SERPINA1: variants seen among roughly 807,000 people sequenced by gnomAD.
SERPINA1 encodes the protein serpin family A member 1, also known as alpha-1-antitrypsin.
Under a neutral mutation model 25.4 loss-of-function variants are expected in SERPINA1, and 21 were observed. The ratio of observed to expected loss-of-function variants is 0.83; its 90% CI spans 0.59 to 1.19. The LOEUF (loss-of-function observed/expected upper bound fraction) is 1.19, where lower values mean the gene tolerates loss of function less well. Ranked by LOEUF, SERPINA1 falls within the 50% of genes most tolerant of loss-of-function variation. The pLI is 0.00. For missense variants in SERPINA1, 546 were observed against 509.0 expected (o/e 1.07, Z -0.70); for synonymous variants, 218 against 211.1 (o/e 1.03, Z -0.29).
At chr14:94,388,834 C>T (rs1897478072), upstream of SERPINA1, 1 of 152,382 alleles carries the variant, frequency 6.6e-6, no homozygotes, top group Non-Finnish European at 1.5e-5. Context: ...TCAGAAACCA[C>T]AGCGTCCTGT....
At chr14:94,385,976 G>T (rs1897263015) in intron 1 of SERPINA1, among the ~76,000 whole-genome samples, 1 of 152,220 alleles carries the variant, frequency 6.6e-6, no homozygotes, top group African/African-American at 2.4e-5. Context: ...AACTGAGACA[G>T]CTGTGTCCTC....
chr14:94,382,576 G>A lies in SERPINA1; in HGVS notation c.646+16C>T. On this transcript the variant is annotated intron_variant, in intron 2 of 4. Transcript: ENST00000393087. Reference sequence around the variant, plus strand: ...TGTTTCTATGGGAACAGCTCAGGCTGGTTGAGCAACCTTACCTTTAAAGAA... The same window carrying A: ...TGTTTCTATGGGAACAGCTCAGGCTAGTTGAGCAACCTTACCTTTAAAGAA... The A allele has an allele frequency of 6.2e-7, 1 of 1,614,194 alleles. No homozygotes were observed. Among genetic ancestry groups the A allele is most frequent in the South Asian group, 1.1e-5 (1 of 91,078 alleles).
At chr14:94,382,539 A>C in intron 2 of SERPINA1, 53 bp downstream of exon 2, 1 of 1,610,384 alleles carries the variant, frequency 6.2e-7, no homozygotes, top group South Asian at 1.1e-5. Context: ...ATGGTTTGAG[A>C]ATATTTTTGC....
Position 94,378,057 on chromosome 14 carries a change from A to G in SERPINA1, c.*392T>C. The G allele has an allele frequency of 4.5e-6, 1 of 221,406 alleles. No homozygotes were observed. The highest frequency in any genetic ancestry group is 9.0e-6 in the Non-Finnish European group (1 of 111,250). 13.7% of individuals were successfully genotyped at this position (221,406 alleles called of 1,614,324 possible). ...GGGGGAGTGGGGGATGAGCAGGGGG[A>G]CATGAAGATGCTTGGTGGAGCCTGG... On this transcript the variant is annotated 3_prime_UTR_variant, in exon 5 of 5. Coordinates refer to ENST00000393087, the MANE Select transcript of SERPINA1 (RefSeq NM_000295.5).
rs34832705 is a variant in SERPINA1, at chr14:94,382,512, G to GGA, written c.646+78_646+79dup. On this transcript the variant is annotated intron_variant, in intron 2 of 4. Coordinates refer to ENST00000393087, the MANE Select transcript of SERPINA1 (RefSeq NM_000295.5). Reference sequence around the variant, plus strand: ...GCTATGGCCCATAATGCATTGCCAAGGAGAGTTCAAGAACTGATGGTTTGA... The same window carrying GGA: ...GCTATGGCCCATAATGCATTGCCAAGGAGAGAGTTCAAGAACTGATGGTTTGA... 9,891 of 1,567,298 alleles carry GGA rather than the reference G, an allele frequency of 6.3e-3. 38 individuals are homozygous for GGA. The highest frequency in any genetic ancestry group is 8.1e-3 in the Non-Finnish European group (9,185 of 1,137,366).
At chr14:94,379,738 C>T (rs1204028314) in intron 3 of SERPINA1, 127 bp from the exon 4 acceptor site, 2 of 1,287,886 alleles carry the variant, frequency 1.6e-6, no homozygotes, top group Non-Finnish European at 2.2e-6. Context: ...TCCACCCACA[C>T]TAAGATGGGA....
rs1003633145 is a variant in SERPINA1, at chr14:94,382,748, A to G, written c.490T>C (p.Ser164Pro). ...CCGAAGTTGACAGTGAAGGCTTCTG[A>G]GTGGTACAACTTTTTAACATCCTCC... The part of the protein sequence containing the change: ...FLEDVKKLYH[S>P]EAFTVNFGDT... Residue 164 changes from serine to proline, a missense_variant, in exon 2 of 5, where the codon TCA (serine) becomes CCA (proline). Coordinates refer to ENST00000393087, the MANE Select transcript of SERPINA1 (RefSeq NM_000295.5). 1 of 1,614,102 alleles carries G rather than the reference A, an allele frequency of 6.2e-7. No homozygotes were observed. The highest frequency in any genetic ancestry group is 8.5e-7 in the Non-Finnish European group (1 of 1,180,052).
upstream of SERPINA1, chr14:94,390,358 C>G (rs1897617587): frequency 6.5e-6 from 1 of 152,752 alleles, no homozygotes; most frequent in Non-Finnish European, 1.5e-5. Flanking sequence ...CTTCCCCTCT[C>G]TGGGCCTTTG....
chr14:94,381,623 C>T (rs1429656450), intron 2 of SERPINA1, among the ~76,000 whole-genome samples: 2 of 152,208 alleles, frequency 1.3e-5, no homozygotes, highest in African/African-American at 2.4e-5. Context: ...AATGCAGATG[C>T]CTGAGCAGCC....
At chr14:94,384,418 T>G (rs1354096000) in intron 1 of SERPINA1, among the ~76,000 whole-genome samples, 1 of 152,272 alleles carries the variant, frequency 6.6e-6, no homozygotes, top group East Asian at 1.9e-4. Flanking sequence ...GATAGGCCAG[T>G]GAGGAATACA....
chr14:94,378,233 T>C lies in SERPINA1; in HGVS notation c.*216A>G. 1.7e-6 allele frequency: 1 copy of C among 602,372 alleles called. No homozygotes were observed. The highest frequency in any genetic ancestry group is 2.9e-6 in the Non-Finnish European group (1 of 339,332). 37.3% of individuals were successfully genotyped at this position (602,372 alleles called of 1,614,324 possible). ...CCTGGATTCAAGCCCAGCATGTGCCTACCCAGCCAGATGCTCCATGAACAC... is the reference window on the plus strand; with the variant it reads ...CCTGGATTCAAGCCCAGCATGTGCCCACCCAGCCAGATGCTCCATGAACAC... On this transcript the variant is annotated 3_prime_UTR_variant, in exon 5 of 5. Coordinates refer to ENST00000393087, the MANE Select transcript of SERPINA1 (RefSeq NM_000295.5).
intron 2 of SERPINA1, 111 bp from the exon 3 acceptor site, chr14:94,381,252 C>T (rs943109639): frequency 4.3e-5 from 45 of 1,045,764 alleles, no homozygotes; most frequent in East Asian, 1.5e-4. Flanking sequence ...GCCCCCTTGA[C>T]GACACACATC....
rs769400992 is a variant in SERPINA1 at position 94,383,041 on chromosome 14, G to A, written c.197C>T (p.Ala66Val). The A allele has an allele frequency of 6.2e-6, 10 of 1,612,978 alleles. No homozygotes were observed. In the African/African-American group the frequency reaches 6.7e-5, roughly 11 times the overall value. ...GATATTGGTGCTGTTGGACTGGTGT[G>A]CCAGCTGGCGGTATAGGCTGAAGGC... The part of the protein sequence containing the change: ...EFAFSLYRQL[A>V]HQSNSTNIFF... The change falls in exon 2 of 5, where the codon GCA becomes GTA. Residue 66 changes from alanine to valine, a missense_variant. Ala to Val is a moderately conservative substitution (Grantham distance 64). Coordinates refer to ENST00000393087, the MANE Select transcript of SERPINA1 (RefSeq NM_000295.5).
rs948061190 is a variant in SERPINA1, at chr14:94,378,387, C to G, written c.*62G>C. The G allele has an allele frequency of 1.6e-5, 23 of 1,436,154 alleles. No homozygotes were observed. In the African/African-American group the frequency reaches 2.9e-4, roughly 18 times the overall value. 89.0% of individuals were successfully genotyped at this position (1,436,154 alleles called of 1,614,324 possible). A position where few individuals can be genotyped will look rare whatever the true frequency, so the allele number is the denominator to read the frequency against. On this transcript the variant is annotated 3_prime_UTR_variant, in exon 5 of 5. Coordinates refer to ENST00000393087, the MANE Select transcript of SERPINA1 (RefSeq NM_000295.5). ...GCAGGCAGGGACCAGCTCAACCCTTCTTTAATGTCATCCAGGGAGGGGGCC... is the reference window on the plus strand; with the variant it reads ...GCAGGCAGGGACCAGCTCAACCCTTGTTTAATGTCATCCAGGGAGGGGGCC...
rs1896840473 is a variant in SERPINA1 at position 94,380,738 on chromosome 14, A to G, written c.917+133T>C. ...TGGCCTCATTCTGGAAGCCAAGTTTATACAGAGTAGCAGTGACCCAGGGAT... is the reference window on the plus strand; with the variant it reads ...TGGCCTCATTCTGGAAGCCAAGTTTGTACAGAGTAGCAGTGACCCAGGGAT... On this transcript the variant is annotated intron_variant, in intron 3 of 4. Coordinates refer to ENST00000393087, the MANE Select transcript of SERPINA1 (RefSeq NM_000295.5). The G allele has an allele frequency of 2.5e-6, 3 of 1,184,974 alleles. No homozygotes were observed. In the African/African-American group the frequency reaches 4.5e-5, roughly 18 times the overall value. 73.4% of individuals were successfully genotyped at this position (1,184,974 alleles called of 1,614,324 possible).
Position 94,383,165 on chromosome 14 carries a change from C to T in SERPINA1, c.73G>A (p.Glu25Lys), listed in dbSNP as rs766542592. ...TGGGCAGCATCTCCCTGGGGATCCT[C>T]AGCCAGGGAGACAGGGACCAGGCAG... The part of the protein sequence containing the change: ...LCCLVPVSLA[E>K]DPQGDAAQKT... Residue 25 changes from glutamate to lysine, a missense_variant, in exon 2 of 5, where the codon GAG (glutamate) becomes AAG (lysine). By Grantham distance (56) the Glu-to-Lys change is moderately conservative. Coordinates refer to ENST00000393087, the MANE Select transcript of SERPINA1 (RefSeq NM_000295.5). The T allele has an allele frequency of 4.3e-6, 7 of 1,614,202 alleles. No individual in the cohort carries two copies. In the Admixed American group the frequency reaches 1.0e-4, roughly 23 times the overall value.
At chr14:94,378,848 C>T (rs1306077290) in intron 4 of SERPINA1, among the ~76,000 whole-genome samples, 2 of 152,250 alleles carry the variant, frequency 1.3e-5, no homozygotes, top group African/African-American at 4.8e-5. Flanking sequence ...TGACAAGCGC[C>T]TCTCCCCCTG....
chr14:94,382,641 C>T lies in SERPINA1; in HGVS notation c.597G>A (p.Glu199=). The T allele has an allele frequency of 6.2e-7, 1 of 1,614,240 alleles. No homozygotes were observed. ...GAGCAAAAACTGTGTCTCTGTCAAG[C>T]TCCTTGACCAAATCCACAATTTTCC... ...TQGKIVDLVK[E]LDRDTVFALV... Residue 199 remains glutamate, a synonymous_variant, in exon 2 of 5, where the codon GAG becomes GAA. Coordinates refer to ENST00000393087, the MANE Select transcript of SERPINA1 (RefSeq NM_000295.5).
Position 94,376,800 on chromosome 14 carries a change from T to C in SERPINA1, c.*1649A>G, listed in dbSNP as rs182137190. 5.9e-5 allele frequency: 9 copies of C among 152,354 alleles called. No homozygotes were observed. The East Asian group carries it at 1.2e-3, about 20-fold the overall frequency. 9.4% of individuals were successfully genotyped at this position (152,354 alleles called of 1,614,324 possible). A position where few individuals can be genotyped will look rare whatever the true frequency, so the allele number is the denominator to read the frequency against. ...TGTTCTAATGGGTATAAACATTTTG[T>C]TATCTAACTTGAACATCATACCAAC... On this transcript the variant is annotated 3_prime_UTR_variant, in exon 5 of 5. Transcript: ENST00000393087.
Sources: allele counts gnomAD v4.1 joint callset (sites outside exome capture counted in the v4.1 genomes callset), GRCh38; gene constraint gnomAD v4.1.1; transcripts MANE v1.5; gene names NCBI Gene and HGNC (gene_info 2026-07-23, HGNC 2026-07-21).